PTPRN2: variants seen among roughly 807,000 people sequenced by gnomAD.
PTPRN2 encodes receptor-type tyrosine-protein phosphatase N2.
A neutral mutation model predicts 118.8 loss-of-function variants in PTPRN2; 74 were observed. The observed-to-expected ratio is 0.62, with a 90% CI of 0.52 to 0.76. The LOEUF is 0.76. Ranked by LOEUF, PTPRN2 falls within the 30% of genes least tolerant of loss-of-function variation. PTPRN2 has a pLI of 0.00. For synonymous variants in PTPRN2, 641 were observed against 608.0 expected, an observed-to-expected ratio of 1.05 and a Z score of -0.80; for missense variants, 1,481 against 1,394.4, an observed-to-expected ratio of 1.06 and a Z score of -0.99.
rs773709520 is a variant in PTPRN2 at position 157,780,628 on chromosome 7, T to C, written c.1789-97691A>G. Reference sequence around the variant, plus strand: ...GCCCCTGGACAAGGGACTGCCTTCCTCTGTGCCTCAGTTTCCCTGTTTGCA... The same window carrying C: ...GCCCCTGGACAAGGGACTGCCTTCCCCTGTGCCTCAGTTTCCCTGTTTGCA... On this transcript the variant is annotated intron_variant, in intron 12 of 22. Coordinates refer to ENST00000389418, the MANE Select transcript of PTPRN2 (RefSeq NM_002847.5). This position sits in a 1 kb window ranked among gnomAD's most constrained non-coding sequence, Gnocchi z 4.5. 6.6e-5 allele frequency among the ~76,000 whole-genome samples: 10 copies of C among 152,208 alleles called. No homozygotes were observed. Among genetic ancestry groups the C allele is most frequent in the African/African-American group, 2.2e-4 (9 of 41,444 alleles).
At chr7:158,062,386 G>T (rs1018590060) in intron 11 of PTPRN2, among the ~76,000 whole-genome samples, 1 of 152,244 alleles carries the variant, frequency 6.6e-6, no homozygotes, top group Non-Finnish European at 1.5e-5. Flanking sequence ...ACTGTCAGTG[G>T]CAGTGAAAGG....
At chr7:158,424,914 G>T (rs577174989) in intron 2 of PTPRN2, among the ~76,000 whole-genome samples, 1 of 152,184 alleles carries the variant, frequency 6.6e-6, no homozygotes, top group Non-Finnish European at 1.5e-5. Context: ...GGATCTCGGG[G>T]CCCACAGGCA....
intron 11 of PTPRN2, among the ~76,000 whole-genome samples, chr7:158,009,860 A>G (rs1805912009): frequency 6.6e-6 from 1 of 152,206 alleles, no homozygotes; most frequent in African/African-American, 2.4e-5. Context: ...TGCACACTTG[A>G]AACTCTTGGA....
chr7:158,149,665 G>A (rs929613475), intron 6 of PTPRN2, among the ~76,000 whole-genome samples: 14 of 152,070 alleles, frequency 9.2e-5, no homozygotes, highest in Non-Finnish European at 1.9e-4. Context: ...TGACCCAGGC[G>A]TGGTGGCGCA....
intron 11 of PTPRN2, among the ~76,000 whole-genome samples, chr7:158,067,135 T>C (rs1404507377): frequency 6.6e-6 from 1 of 152,200 alleles, no homozygotes; most frequent in Non-Finnish European, 1.5e-5. Flanking sequence ...GGCTGAGGCA[T>C]GTTAGATGGG....
intron 21 of PTPRN2, among the ~76,000 whole-genome samples, 172 bp from the exon 22 acceptor site, chr7:157,549,191 C>T (rs1451188327): frequency 2.0e-5 from 3 of 152,274 alleles, no homozygotes; most frequent in African/African-American, 4.8e-5. Context: ...ATGTAGAAGA[C>T]GAAGGCAGGG....
chr7:158,117,495 G>T (rs1047090245), intron 9 of PTPRN2, among the ~76,000 whole-genome samples: 1 of 152,152 alleles, frequency 6.6e-6, no homozygotes, highest in African/African-American at 2.4e-5. Context: ...AGATAAAGGG[G>T]CAGAGAAAAT....
chr7:158,223,159 T>A (rs1216728130), intron 3 of PTPRN2, among the ~76,000 whole-genome samples: 1 of 152,198 alleles, frequency 6.6e-6, no homozygotes, highest in Non-Finnish European at 1.5e-5. Flanking sequence ...TTCTACACTA[T>A]TAAGGAACTT....
intron 11 of PTPRN2, among the ~76,000 whole-genome samples, chr7:158,032,502 G>A (rs1486010215): frequency 6.6e-6 from 1 of 152,152 alleles, no homozygotes; most frequent in African/African-American, 2.4e-5. Flanking sequence ...TCCTCCGCCT[G>A]AGAGACAGAT....
chr7:158,041,525 C>T (rs1808469145), intron 11 of PTPRN2, among the ~76,000 whole-genome samples: 1 of 152,052 alleles, frequency 6.6e-6, no homozygotes, highest in Non-Finnish European at 1.5e-5. Context: ...GTAGTCCCAG[C>T]TACTCAGGAG....
At chr7:158,149,536 G>T (rs187724776) in intron 6 of PTPRN2, among the ~76,000 whole-genome samples, 203 of 152,276 alleles carry the variant, frequency 1.3e-3, no homozygotes, top group African/African-American at 4.6e-3. Context: ...GGGCGCAGTG[G>T]CTCATGCCTG....
chr7:157,773,164 C>T (rs927534171), intron 12 of PTPRN2, among the ~76,000 whole-genome samples: 5 of 152,308 alleles, frequency 3.3e-5, no homozygotes, highest in South Asian at 2.1e-4. Context: ...TCTAGGCACT[C>T]GCAGCAGACG....
chr7:158,560,645 A>G (rs1222697867), intron 1 of PTPRN2, among the ~76,000 whole-genome samples: 1 of 152,246 alleles, frequency 6.6e-6, no homozygotes, highest in Non-Finnish European at 1.5e-5. Flanking sequence ...AGGTGTGGCC[A>G]TCGCCTCACC....
chr7:158,307,418 T>A (rs940801127), intron 3 of PTPRN2, among the ~76,000 whole-genome samples: 1 of 151,160 alleles, frequency 6.6e-6, no homozygotes, highest in African/African-American at 2.4e-5. Context: ...AAAAGAATAA[T>A]AAAAAATTAG....
chr7:157,640,232 G>C (rs1170150407), intron 14 of PTPRN2, among the ~76,000 whole-genome samples: 3 of 152,176 alleles, frequency 2.0e-5, no homozygotes, highest in African/African-American at 7.2e-5. Flanking sequence ...CCAGCAGGTT[G>C]ATCTGAAAAA....
At chr7:158,120,854 GC>G (rs1250643619) in intron 9 of PTPRN2, among the ~76,000 whole-genome samples, 2 of 152,170 alleles carry the variant, frequency 1.3e-5, no homozygotes, top group African/African-American at 4.8e-5. Flanking sequence ...AGGGAGCCAG[GC>G]GGGGCTACAA....
At chr7:158,123,992 T>G (rs1462453535) in intron 9 of PTPRN2, among the ~76,000 whole-genome samples, 1 of 152,122 alleles carries the variant, frequency 6.6e-6, no homozygotes, top group East Asian at 1.9e-4. Flanking sequence ...TCAGATCCCG[T>G]GCCGACCCAG....
In PTPRN2 at chr7:158,192,452, C is replaced by G. The variant is rs1440860966; in HGVS notation, c.424G>C (p.Glu142Gln). 1 of 1,572,664 alleles carries G rather than the reference C, an allele frequency of 6.4e-7. No homozygotes were observed. Among genetic ancestry groups the G allele is most frequent in the Non-Finnish European group, 8.6e-7 (1 of 1,165,280 alleles). The change falls in exon 5 of 23, where the codon GAG becomes CAG. Residue 142 changes from glutamate to glutamine, a missense_variant. Glu to Gln is a conservative substitution (Grantham distance 29, BLOSUM62 2). Around this residue, in one of 3 missense-constraint regions of PTPRN2, gnomAD observed 1,115 missense variants for 994.2 expected, o/e 1.12. Transcript: ENST00000389418. Reference sequence around the variant, plus strand: ...GCGTTGGCCAGGGCAGCACCGCCCTCCCGACTGTACCTCCTCTCGCTGCCA... The same window carrying G: ...GCGTTGGCCAGGGCAGCACCGCCCTGCCGACTGTACCTCCTCTCGCTGCCA... Reference protein sequence around the residue: ...SVGSERRYSREGGAALANALR... With the variant: ...SVGSERRYSRQGGAALANALR...
At chr7:158,027,212 C>CAT (rs1807344316) in intron 11 of PTPRN2, among the ~76,000 whole-genome samples, 3 of 152,306 alleles carry the variant, frequency 2.0e-5, no homozygotes, top group African/African-American at 2.4e-5. Context: ...TCCACAGGTA[C>CAT]GTGAAAGGTA....
Sources: gnomAD v4.1 joint callset for allele counts (sites outside exome capture counted in the v4.1 genomes callset) on GRCh38, gnomAD v4.1.1 for gene constraint, gnomAD v4.1.1 regional missense constraint, Gnocchi (gnomAD v3.1) non-coding constraint, MANE v1.5 for transcripts, NCBI Gene and HGNC (gene_info 2026-07-23, HGNC 2026-07-21) for gene names.